Variants in PLPPR5 observed in about 807,000 individuals in gnomAD.
The protein encoded by PLPPR5 is phospholipid phosphatase related 5, also known as phospholipid phosphatase-related protein type 5.
A neutral mutation model predicts 33.9 loss-of-function variants in PLPPR5; 16 were observed. That is an observed-to-expected ratio of 0.47 (90% CI 0.32 to 0.72). The LOEUF (loss-of-function observed/expected upper bound fraction) is 0.72, where lower values mean the gene tolerates loss of function less well. Among genes scored for constraint, PLPPR5 ranks in the 30% least tolerant of loss-of-function variants. The pLI, the probability that PLPPR5 is intolerant of heterozygous loss-of-function variation, is 0.03. For missense variants in PLPPR5, 301 were observed against 406.7 expected, an observed-to-expected ratio of 0.74 and a Z score of 2.23; for synonymous variants, 163 against 150.3, an observed-to-expected ratio of 1.08 and a Z score of -0.62.
At chr1:98,902,764 T>C (rs1008394843) in intron 5 of PLPPR5, among the ~76,000 whole-genome samples, 1 of 152,136 alleles carries the variant, frequency 6.6e-6, no homozygotes, top group Non-Finnish European at 1.5e-5. Context: ...TTTAAATCTA[T>C]CATTGATTAT....
intron 1 of PLPPR5, among the ~76,000 whole-genome samples, chr1:98,963,774 T>G (rs1258599069): frequency 2.6e-5 from 4 of 152,134 alleles, no homozygotes; most frequent in African/African-American, 9.7e-5. Flanking sequence ...AAGCACCTCA[T>G]AAGGACCTCT....
intron 5 of PLPPR5, among the ~76,000 whole-genome samples, chr1:98,905,209 G>T (rs7529415): frequency 1.7e-4 from 26 of 151,968 alleles, no homozygotes; most frequent in African/African-American, 6.3e-4. Context: ...ATTGCTTACA[G>T]GATAAGAATC....
intron 3 of PLPPR5, 80 bp from the exon 4 acceptor site, chr1:98,922,138 CAT>C (rs1452211175): frequency 3.8e-6 from 5 of 1,322,978 alleles, no homozygotes; most frequent in African/African-American, 1.5e-5. Flanking sequence ...TATGTACAAA[CAT>C]ATATTTATAG....
chr1:98,985,104 T>C (rs746508111), intron 1 of PLPPR5, among the ~76,000 whole-genome samples: 1 of 152,090 alleles, frequency 6.6e-6, no homozygotes, highest in Non-Finnish European at 1.5e-5. Flanking sequence ...ACACCTTTTC[T>C]TGTTTGGGAT....
chr1:98,941,673 T>C (rs1305428887), intron 3 of PLPPR5, among the ~76,000 whole-genome samples: 2 of 151,714 alleles, frequency 1.3e-5, no homozygotes, highest in Admixed American at 6.6e-5. Context: ...TTAATGTATT[T>C]GACAGAACAA....
At chr1:98,992,884 G>T (rs1477782056) in intron 1 of PLPPR5, among the ~76,000 whole-genome samples, 1 of 152,088 alleles carries the variant, frequency 6.6e-6, no homozygotes. Flanking sequence ...AACAGTATTA[G>T]TGAGAAGGGC....
At position 98,890,565 on chromosome 1, in the gene PLPPR5, G is replaced by A. The variant is rs2101125358; in HGVS notation, c.*2507C>T. 6.6e-6 allele frequency: 1 copy of A among 152,624 alleles called. No homozygotes were observed. The highest frequency in any genetic ancestry group is 1.9e-4 in the East Asian group (1 of 5,168). The allele number at this position is 152,624 out of a possible 1,614,324, so 9.5% of individuals were successfully genotyped here. ...AGTTGACTAAATTATACTGACCTGG[G>A]CCCCAAGTAAGTAGAATAAAAAGGA... is the stretch of plus-strand genomic sequence containing the variant. On this transcript the variant is annotated 3_prime_UTR_variant, in exon 6 of 6. Coordinates refer to ENST00000263177, the MANE Select transcript of PLPPR5 (RefSeq NM_001037317.2).
intron 3 of PLPPR5, among the ~76,000 whole-genome samples, chr1:98,946,496 C>T (rs1287197864): frequency 6.6e-6 from 1 of 152,182 alleles, no homozygotes; most frequent in Non-Finnish European, 1.5e-5. Flanking sequence ...TTCCCCCTTA[C>T]CTGTTTCTGA....
intron 1 of PLPPR5, among the ~76,000 whole-genome samples, chr1:99,001,548 ATT>A: frequency 6.6e-6 from 1 of 151,670 alleles, no homozygotes; most frequent in African/African-American, 2.4e-5. Flanking sequence ...CAAAATATAT[ATT>A]GTTTTTAATT....
At chr1:98,989,727 T>C (rs1652383083) in intron 1 of PLPPR5, among the ~76,000 whole-genome samples, 1 of 152,144 alleles carries the variant, frequency 6.6e-6, no homozygotes, top group African/African-American at 2.4e-5. Context: ...AACAAGCCAG[T>C]TCTGGCTGGC....
At chr1:98,968,962 G>A (rs558256753) in intron 1 of PLPPR5, among the ~76,000 whole-genome samples, 3 of 152,146 alleles carry the variant, frequency 2.0e-5, no homozygotes, top group African/African-American at 7.2e-5. Context: ...AAGAAAGGCC[G>A]AGTAGCTTAA....
intron 1 of PLPPR5, among the ~76,000 whole-genome samples, chr1:98,975,272 C>T (rs1044481379): frequency 6.6e-6 from 1 of 152,056 alleles, no homozygotes; most frequent in African/African-American, 2.4e-5. Context: ...TGTCCTGATG[C>T]ATAATAGGTT....
At chr1:98,935,502 C>G (rs1160528325) in intron 3 of PLPPR5, among the ~76,000 whole-genome samples, 1 of 152,040 alleles carries the variant, frequency 6.6e-6, no homozygotes, top group Non-Finnish European at 1.5e-5. Context: ...GATATCAACA[C>G]CATAGAGCTT....
intron 1 of PLPPR5, among the ~76,000 whole-genome samples, chr1:98,975,178 T>C (rs541226629): frequency 1.3e-5 from 2 of 152,200 alleles, no homozygotes; most frequent in South Asian, 2.1e-4. Flanking sequence ...CTTGACTGCG[T>C]CCGTGCCTCA....
At chr1:98,995,264 T>G (rs1652588066) in intron 1 of PLPPR5, among the ~76,000 whole-genome samples, 1 of 151,636 alleles carries the variant, frequency 6.6e-6, no homozygotes, top group Non-Finnish European at 1.5e-5. Flanking sequence ...AAACACTGAG[T>G]ATATATGGAC....
intron 1 of PLPPR5, among the ~76,000 whole-genome samples, chr1:98,983,546 A>G (rs1198593766): frequency 6.6e-6 from 1 of 150,582 alleles, no homozygotes; most frequent in African/African-American, 2.5e-5. Context: ...TGCAATAAAC[A>G]TATGTGTGCA....
intron 3 of PLPPR5, among the ~76,000 whole-genome samples, chr1:98,934,086 G>A (rs1416816980): frequency 6.6e-6 from 1 of 152,172 alleles, no homozygotes; most frequent in Non-Finnish European, 1.5e-5. Context: ...AGACATAGAA[G>A]TTGGAACCAG....
Position 98,892,927 on chromosome 1 carries a change from A to G in PLPPR5, c.*145T>C, listed in dbSNP as rs1021133098. On this transcript the variant is annotated 3_prime_UTR_variant, in exon 6 of 6. Transcript: ENST00000263177. ...GAGCTCACAGTCTAGTGGGGGAAAC[A>G]GATAGGTTGACATTGATTTTAAAAT... is the stretch of plus-strand genomic sequence containing the variant. 2.5e-6 allele frequency: 2 copies of G among 790,546 alleles called. No homozygotes were observed. The highest frequency in any genetic ancestry group is 4.1e-6 in the Non-Finnish European group (2 of 489,996). 49.0% of individuals were successfully genotyped at this position (790,546 alleles called of 1,614,324 possible). A position where few individuals can be genotyped will look rare whatever the true frequency, so the allele number is the denominator to read the frequency against.
rs549059807 is a variant in PLPPR5, at chr1:98,911,161, G to C, written c.933+3625C>G. 1.0e-3 allele frequency among the ~76,000 whole-genome samples: 154 copies of C among 152,246 alleles called. 1 individual carries two copies. Among genetic ancestry groups the C allele is most frequent in the African/African-American group, 3.4e-3 (143 of 41,556 alleles). On this transcript the variant is annotated intron_variant, in intron 5 of 5. Transcript: ENST00000263177. ...TCATCCCATGCTCTGTGTGAGTGCAGGGGACAGAACTTGCACTGTGCAGAC... is the reference window on the plus strand; with the variant it reads ...TCATCCCATGCTCTGTGTGAGTGCACGGGACAGAACTTGCACTGTGCAGAC...
Sources: allele counts gnomAD v4.1 joint callset (sites outside exome capture counted in the v4.1 genomes callset), GRCh38; gene constraint gnomAD v4.1.1; transcripts MANE v1.5; gene names NCBI Gene and HGNC (gene_info 2026-07-23, HGNC 2026-07-21).